The following KIF18B variants were observed in gnomAD, a reference collection of about 807,000 sequenced individuals.
The protein encoded by KIF18B is kinesin-like protein KIF18B.
Under a neutral mutation model 80.9 loss-of-function variants are expected in KIF18B, and 49 were observed. The ratio of observed to expected loss-of-function variants is 0.61; its 90% CI spans 0.48 to 0.77. The LOEUF (loss-of-function observed/expected upper bound fraction) is 0.77. Ranked by LOEUF, KIF18B falls within the 30% of genes least tolerant of loss-of-function variation. The pLI, the probability that KIF18B is intolerant of heterozygous loss-of-function variation, is 0.00. For synonymous variants in KIF18B, 439 were observed against 463.9 expected (o/e 0.95, Z 0.69); for missense variants, 994 against 1,127.7 (o/e 0.88, Z 1.70).
Position 44,928,383 on chromosome 17 carries a change from G to A in KIF18B, c.1919C>T (p.Pro640Leu). ...RRPSALEADS[P>L]MAPKRGTKRQ... ...CTTGGTGCCCCGCTTTGGGGCCATG[G>A]GACTGTCTGCCTCCAAGGCGCTTGG... is the stretch of plus-strand genomic sequence containing the variant. The change falls in exon 13 of 16, where the codon CCC becomes CTC. Residue 640 changes from proline to leucine, a missense_variant. Transcript: ENST00000593135. 6.3e-7 allele frequency: 1 copy of A among 1,577,652 alleles called. No homozygotes were observed. The highest frequency in any genetic ancestry group is 8.6e-7 in the Non-Finnish European group (1 of 1,163,986).
At chr17:44,931,493 A>T (rs1460348047) in intron 11 of KIF18B, 109 bp downstream of exon 11, 8 of 1,428,722 alleles carry the variant, frequency 5.6e-6, no homozygotes, top group Non-Finnish European at 7.9e-6. Context: ...GACAGTGCTG[A>T]TGAAGAGACA....
In KIF18B at chr17:44,932,892, C is replaced by T; in HGVS notation, c.1137+20G>A. On this transcript the variant is annotated intron_variant, in intron 8 of 15. Coordinates refer to ENST00000593135, the MANE Select transcript of KIF18B (RefSeq NM_001265577.2). ...TCTGGCTGTCGGCCCTCCAGCCTGC[C>T]CCCAAGGCGGGCTCCTCACCTCAGC... 1 of 1,597,018 alleles carries T rather than the reference C, an allele frequency of 6.3e-7. No individual in the cohort carries two copies.
At chr17:44,944,734 T>C (rs1341613085) in intron 1 of KIF18B, among the ~76,000 whole-genome samples, 2 of 152,262 alleles carry the variant, frequency 1.3e-5, no homozygotes, top group African/African-American at 4.8e-5. Flanking sequence ...CAGTTTCCTC[T>C]ATGGAAAATT....
In KIF18B at chr17:44,936,165, G is replaced by A. The variant is rs1395512569; in HGVS notation, c.180C>T (p.Gly60=). 6.2e-7 allele frequency: 1 copy of A among 1,613,266 alleles called. No homozygotes were observed. The highest frequency in any genetic ancestry group is 8.5e-7 in the Non-Finnish European group (1 of 1,179,686). ...TCAGGTCTTTGCCCTTCTTCTTGGGGCCATCATGGGTGCCACCCCATTTCA... is the reference window on the plus strand; with the variant it reads ...TCAGGTCTTTGCCCTTCTTCTTGGGACCATCATGGGTGCCACCCCATTTCA... ...PGLKWGGTHD[G]PKKKGKDLTF... Residue 60 remains glycine (G), a synonymous_variant, in exon 2 of 16, where the codon GGC becomes GGT. Transcript: ENST00000593135.
At chr17:44,931,514 G>T (rs2052145110) in intron 11 of KIF18B, 88 bp downstream of exon 11, 8 of 1,559,592 alleles carry the variant, frequency 5.1e-6, no homozygotes, top group Non-Finnish European at 7.1e-6. Context: ...GGGCTTTTGT[G>T]ATGTGCTTAA....
chr17:44,937,288 T>G (rs1438421701), intron 1 of KIF18B, among the ~76,000 whole-genome samples: 3 of 152,208 alleles, frequency 2.0e-5, no homozygotes, highest in Admixed American at 6.5e-5. Flanking sequence ...GTATTACATT[T>G]ACGTATTTAT....
chr17:44,935,541 A>C, intron 2 of KIF18B, 125 bp from the exon 3 acceptor site: 7 of 963,526 alleles, frequency 7.3e-6, no homozygotes, highest in Admixed American at 2.9e-5. Context: ...CACTAATCAC[A>C]CCCTCCATGT....
intron 1 of KIF18B, among the ~76,000 whole-genome samples, chr17:44,941,857 T>C (rs2052426832): frequency 6.6e-6 from 1 of 151,958 alleles, no homozygotes; most frequent in South Asian, 2.1e-4. Flanking sequence ...GGCAAAGGAG[T>C]GCTCATAACC....
intron 11 of KIF18B, 63 bp downstream of exon 11, chr17:44,931,539 C>T (rs2052145753): frequency 2.5e-6 from 4 of 1,610,474 alleles, no homozygotes; most frequent in Non-Finnish European, 3.4e-6. Flanking sequence ...AATTCCCACA[C>T]CCAGGGAGGC....
chr17:44,926,150 C>T lies in KIF18B; in HGVS notation c.2489G>A (p.Arg830Lys). 2 of 1,613,950 alleles carry T rather than the reference C, an allele frequency of 1.2e-6. No individual in the cohort carries two copies. Among genetic ancestry groups the T allele is most frequent in the Non-Finnish European group, 1.7e-6 (2 of 1,179,874 alleles). Reference protein sequence around the residue: ...PLSPLCPSNRRNGKDLIRVGR... With the variant: ...PLSPLCPSNRKNGKDLIRVGR... ...CACCCTGATGAGGTCCTTTCCATTC[C>T]TCCGGTTGCTAGGGCACAGGGGACT... Residue 830 changes from arginine to lysine, a missense_variant, in exon 16 of 16, where the codon AGG becomes AAG. By Grantham distance (26) the Arg-to-Lys change is conservative. Transcript: ENST00000593135.
In KIF18B at chr17:44,932,931, C is replaced by T; in HGVS notation, c.1118G>A (p.Cys373Tyr). The change falls in exon 8 of 16, where the codon TGC becomes TAC. Residue 373 changes from cysteine to tyrosine, a missense_variant. By Grantham distance (194) the Cys-to-Tyr change is radical. Coordinates refer to ENST00000593135, the MANE Select transcript of KIF18B (RefSeq NM_001265577.2). Reference sequence around the variant, plus strand: ...CCTCACCTCAGCCTGGAGCTGTTGGCAGATGGTAGCATACTGGCTGATGTG... The same window carrying T: ...CCTCACCTCAGCCTGGAGCTGTTGGTAGATGGTAGCATACTGGCTGATGTG... The part of the protein sequence containing the change: ...DCHISQYATI[C>Y]QQLQAEVAAL... 1 of 1,606,580 alleles carries T rather than the reference C, an allele frequency of 6.2e-7. No individual in the cohort carries two copies. The highest frequency in any genetic ancestry group is 8.5e-7 in the Non-Finnish European group (1 of 1,173,854).
At chr17:44,942,055 C>A (rs2052431298) in intron 1 of KIF18B, among the ~76,000 whole-genome samples, 1 of 152,092 alleles carries the variant, frequency 6.6e-6, no homozygotes, top group Non-Finnish European at 1.5e-5. Context: ...AGGGGGAGGT[C>A]TTTCCACAAG....
In KIF18B at chr17:44,933,920, C is replaced by G; in HGVS notation, c.1062+3G>C. On this transcript the variant is annotated splice_donor_region_variant and intron_variant, in intron 7 of 15. Coordinates refer to ENST00000593135, the MANE Select transcript of KIF18B (RefSeq NM_001265577.2). ...GCCCAAGCCGGCCCTGGCTGGCACG[C>G]ACCGAGAGCCTGATCTCCTTGGCCC... 6.4e-7 allele frequency: 1 copy of G among 1,555,662 alleles called. No homozygotes were observed. The highest frequency in any genetic ancestry group is 1.9e-5 in the Admixed American group (1 of 51,916).
Position 44,929,041 on chromosome 17 carries a change from G to A in KIF18B, c.1518-17C>T, listed in dbSNP as rs1316365564. The stretch of plus-strand genomic sequence containing the variant: ...AGGGCCAACCTGGAACAGAAGAAAG[G>A]GGATTCCCAGCCCTGCTCAGACTCA... On this transcript the variant is annotated splice_polypyrimidine_tract_variant and intron_variant, in intron 11 of 15. Transcript: ENST00000593135. The A allele has an allele frequency of 6.2e-7, 1 of 1,611,816 alleles. No individual in the cohort carries two copies. Among genetic ancestry groups the A allele is most frequent in the Non-Finnish European group, 8.5e-7 (1 of 1,178,124 alleles).
intron 8 of KIF18B, 33 bp downstream of exon 8, chr17:44,932,879 C>G (rs1293701028): frequency 6.3e-7 from 1 of 1,591,428 alleles, no homozygotes; most frequent in South Asian, 1.1e-5. Flanking sequence ...TGGCTGTCGG[C>G]CCTCCAGCCT....
chr17:44,942,553 C>T (rs913876190), intron 1 of KIF18B, among the ~76,000 whole-genome samples: 9 of 152,198 alleles, frequency 5.9e-5, no homozygotes, highest in Non-Finnish European at 1.2e-4. Context: ...TTTTTACAGG[C>T]GATGCTGTAG....
intron 15 of KIF18B, 33 bp from the exon 16 acceptor site, chr17:44,926,219 C>A (rs1567785022): frequency 8.1e-6 from 13 of 1,612,262 alleles, no homozygotes; most frequent in Non-Finnish European, 1.1e-5. Context: ...GCGGGGAGTG[C>A]AGCGAGGAAG....
rs2052189505 is a variant in KIF18B, at chr17:44,932,894, C to G, written c.1137+18G>C. Reference sequence around the variant, plus strand: ...TGGCTGTCGGCCCTCCAGCCTGCCCCCAAGGCGGGCTCCTCACCTCAGCCT... The same window carrying G: ...TGGCTGTCGGCCCTCCAGCCTGCCCGCAAGGCGGGCTCCTCACCTCAGCCT... On this transcript the variant is annotated intron_variant, in intron 8 of 15. Transcript: ENST00000593135. The G allele has an allele frequency of 6.3e-7, 1 of 1,597,612 alleles. No individual in the cohort carries two copies.
At position 44,926,066 on chromosome 17, in the gene KIF18B, G is replaced by A; in HGVS notation, c.*14C>T. On this transcript the variant is annotated 3_prime_UTR_variant, in exon 16 of 16. Coordinates refer to ENST00000593135, the MANE Select transcript of KIF18B (RefSeq NM_001265577.2). ...GTAGGTTAGGACACCTTGGTGGTCAGGACATTCTGGCGGTCAGGACACCTT... is the reference window on the plus strand; with the variant it reads ...GTAGGTTAGGACACCTTGGTGGTCAAGACATTCTGGCGGTCAGGACACCTT... 6.2e-7 allele frequency: 1 copy of A among 1,613,808 alleles called. No individual in the cohort carries two copies. The highest frequency in any genetic ancestry group is 8.5e-7 in the Non-Finnish European group (1 of 1,179,788).
Sources: gnomAD v4.1 joint callset for allele counts (sites outside exome capture counted in the v4.1 genomes callset) on GRCh38, gnomAD v4.1.1 for gene constraint, MANE v1.5 for transcripts, NCBI Gene and HGNC (gene_info 2026-07-23, HGNC 2026-07-21) for gene names.